The following EVC2 variants were observed in gnomAD, a reference collection of about 807,000 sequenced individuals.
The protein encoded by EVC2 is EvC ciliary complex subunit 2, also known as limbin.
In EVC2, 148 loss-of-function variants were observed where a neutral mutation model predicts 149.3. The observed-to-expected ratio is 0.99, with a 90% CI of 0.87 to 1.14. EVC2 has a LOEUF of 1.14. Ranked by LOEUF, EVC2 falls within the 50% of genes most tolerant of loss-of-function variation. The probability of loss-of-function intolerance (pLI) is 0.00; values close to 1 mark genes in which losing one functional copy is unlikely to be tolerated. For missense variants in EVC2, 1,854 were observed against 1,627.3 expected (o/e 1.14, Z -2.40); for synonymous variants, 776 against 649.9 (o/e 1.19, Z -2.95).
chr4:5,683,811 G>A (rs115892962), intron 6 of EVC2, among the ~76,000 whole-genome samples: 2 of 107,692 alleles, frequency 1.9e-5, no homozygotes, highest in African/African-American at 3.3e-5. Context: ...CACACAGCTG[G>A]CCAGGAACAC....
At chr4:5,582,082 C>CT (rs900160304) in intron 17 of EVC2, among the ~76,000 whole-genome samples, 1 of 152,228 alleles carries the variant, frequency 6.6e-6, no homozygotes, top group Non-Finnish European at 1.5e-5. Flanking sequence ...AGAACCTCTG[C>CT]TAGGGCAGTG....
intron 3 of EVC2, among the ~76,000 whole-genome samples, chr4:5,692,119 AGCT>A (rs1242054407): frequency 6.6e-6 from 1 of 152,196 alleles, no homozygotes; most frequent in Non-Finnish European, 1.5e-5. Context: ...CAGTGGAACA[AGCT>A]GTATTCTGAG....
the EVC2 span, among the ~76,000 whole-genome samples, chr4:5,533,809 T>C: frequency 1.3e-5 from 2 of 152,128 alleles, no homozygotes; most frequent in Admixed American, 1.3e-4. Flanking sequence ...GAGGAGGTGA[T>C]ATCTGAGCTG....
rs1722332303 is a variant in EVC2 at position 5,567,074 on chromosome 4, G to T, written c.3557+1370C>A. Among the ~76,000 whole-genome samples the T allele has an allele frequency of 6.6e-6, 1 of 152,072 alleles. No individual in the cohort carries two copies. The highest frequency in any genetic ancestry group is 2.4e-5 in the African/African-American group (1 of 41,382). On this transcript the variant is annotated intron_variant, in intron 20 of 21. Transcript: ENST00000344408. The surrounding 1 kb of genome is among the most constrained non-coding windows in gnomAD (Gnocchi z 4.4). ...CTGGACATTCCGTTTGGCAGAGGTG[G>T]CCTCCTTCTGGCTCCCTCTTGTTCC...
intron 17 of EVC2, among the ~76,000 whole-genome samples, chr4:5,580,765 T>G (rs890494635): frequency 6.5e-4 from 19 of 29,346 alleles, no homozygotes; most frequent in African/African-American, 2.0e-3. Context: ...CGGAGTTTTA[T>G]CTTGAATGGG....
At chr4:5,571,663 A>G (rs1465959414) in intron 19 of EVC2, among the ~76,000 whole-genome samples, 2 of 152,138 alleles carry the variant, frequency 1.3e-5, no homozygotes, top group Admixed American at 1.3e-4. Flanking sequence ...TCTTTTCTCT[A>G]GTACAAAAAG....
At position 5,683,837 on chromosome 4, in the gene EVC2, A is replaced by AAC. The variant is rs762053482; in HGVS notation, c.816+1531_816+1532dup. 3.1e-4 allele frequency among the ~76,000 whole-genome samples: 40 copies of AAC among 129,290 alleles called. 1 individual carries two copies. Among genetic ancestry groups the AAC allele is most frequent in the African/African-American group, 1.0e-3 (38 of 38,072 alleles). The allele number at this position is 129,290 out of a possible 152,430, so 84.8% of individuals were successfully genotyped here. A position where few individuals can be genotyped will look rare whatever the true frequency, so the allele number is the denominator to read the frequency against. The stretch of plus-strand genomic sequence containing the variant: ...CCAGGAACACACACAGCTGCCCAGG[A>AAC]ACACACACACACAGCTGCCCAGGAA... On this transcript the variant is annotated intron_variant, in intron 6 of 21. Transcript: ENST00000344408.
At chr4:5,615,797 C>T (rs573553893) in intron 15 of EVC2, among the ~76,000 whole-genome samples, 64 of 152,316 alleles carry the variant, frequency 4.2e-4, no homozygotes, top group African/African-American at 1.5e-3. Context: ...GGCAGAACCT[C>T]AGCTCTGCAG....
At position 5,689,234 on chromosome 4, in the gene EVC2, G is replaced by A. The variant is rs1377494906; in HGVS notation, c.629C>T (p.Ala210Val). ...LSELLLLDSI[A>V]GLTIWDSVGN... Reference sequence around the variant, plus strand: ...CACAGAGTCCCAAATGGTGAGACCAGCAATGCTGTCCAGCAAGAGCAGCTC... The same window carrying A: ...CACAGAGTCCCAAATGGTGAGACCAACAATGCTGTCCAGCAAGAGCAGCTC... Residue 210 changes from alanine (A) to valine (V), a missense_variant, in exon 5 of 22, where the codon GCT (alanine) becomes GTT (valine). Coordinates refer to ENST00000344408, the MANE Select transcript of EVC2 (RefSeq NM_147127.5). The A allele has an allele frequency of 1.2e-6, 2 of 1,614,224 alleles. No homozygotes were observed. Among genetic ancestry groups the A allele is most frequent in the Non-Finnish European group, 1.7e-6 (2 of 1,180,038 alleles).
chr4:5,673,826 T>C (rs1002513715), intron 7 of EVC2, among the ~76,000 whole-genome samples: 2 of 152,350 alleles, frequency 1.3e-5, no homozygotes, highest in Middle Eastern at 3.4e-3. Context: ...CACAGTCTTG[T>C]GGATGGCGAG....
intron 12 of EVC2, among the ~76,000 whole-genome samples, chr4:5,627,356 G>A (rs1447150469): frequency 6.6e-6 from 1 of 152,212 alleles, no homozygotes; most frequent in African/African-American, 2.4e-5. Flanking sequence ...TTCAATTCAA[G>A]GCAAAGAACT....
rs1201174631 is a variant in EVC2 at position 5,569,832 on chromosome 4, T to A, written c.3361-1192A>T. Among the ~76,000 whole-genome samples the A allele has an allele frequency of 6.6e-6, 1 of 151,890 alleles. No homozygotes were observed. Among genetic ancestry groups the A allele is most frequent in the African/African-American group, 2.4e-5 (1 of 41,348 alleles). On this transcript the variant is annotated intron_variant, in intron 19 of 21. Transcript: ENST00000344408. This position sits in a 1 kb window ranked among gnomAD's most constrained non-coding sequence, Gnocchi z 4.8. Reference sequence around the variant, plus strand: ...CTTTCAGTGAAGGCACGAGGAAAGGTGCTGTTCCAAATACCAAAGCTCCTT... The same window carrying A: ...CTTTCAGTGAAGGCACGAGGAAAGGAGCTGTTCCAAATACCAAAGCTCCTT...
chr4:5,676,163 A>T (rs1719978133), intron 7 of EVC2, among the ~76,000 whole-genome samples: 1 of 152,184 alleles, frequency 6.6e-6, no homozygotes, highest in Non-Finnish European at 1.5e-5. Context: ...ACCTGCACTC[A>T]ATGTGTGATT....
At chr4:5,626,789 G>T (rs1227972670) in intron 12 of EVC2, among the ~76,000 whole-genome samples, 1 of 152,098 alleles carries the variant, frequency 6.6e-6, no homozygotes. Context: ...GAGGAAAGAG[G>T]AATTTGTCCC....
intron 1 of EVC2, among the ~76,000 whole-genome samples, chr4:5,706,399 T>TAC (rs1722175770): frequency 9.1e-6 from 1 of 109,674 alleles, no homozygotes; most frequent in Non-Finnish European, 1.9e-5. Context: ...GATACATAGA[T>TAC]AGATAGATAG....
rs1223039712 is a variant in EVC2, at chr4:5,696,565, C to A, written c.283+1028G>T. 6.6e-6 allele frequency among the ~76,000 whole-genome samples: 1 copy of A among 152,230 alleles called. No homozygotes were observed. Among genetic ancestry groups the A allele is most frequent in the Non-Finnish European group, 1.5e-5 (1 of 68,052 alleles). ...TGCGCTGCAGGTGCCAGCCATGAGG[C>A]TCAGGAGCCAGGGACTGCCCGCGGC... On this transcript the variant is annotated intron_variant, in intron 2 of 21. Coordinates refer to ENST00000344408, the MANE Select transcript of EVC2 (RefSeq NM_147127.5). The surrounding 1 kb of genome is among the most constrained non-coding windows in gnomAD (Gnocchi z 4.1).
At chr4:5,629,825 A>G (rs1716395838) in intron 11 of EVC2, among the ~76,000 whole-genome samples, 1 of 152,246 alleles carries the variant, frequency 6.6e-6, no homozygotes, top group Non-Finnish European at 1.5e-5. Context: ...GGATCCATGC[A>G]TGCTGATTGA....
chr4:5,650,604 C>CATATATATATAT (rs66673359), intron 9 of EVC2, among the ~76,000 whole-genome samples: 80 of 52,978 alleles, frequency 1.5e-3, no homozygotes, highest in Admixed American at 2.9e-3. Flanking sequence ...TTTTAATCGC[C>CATATATATATAT]ATATATATAT....
chr4:5,574,604 T>G, intron 19 of EVC2, 81 bp downstream of exon 19: 1 of 1,395,100 alleles, frequency 7.2e-7, no homozygotes. Context: ...ATCCTGGAGG[T>G]GAGGAAATGT....
Sources: allele counts gnomAD v4.1 joint callset (sites outside exome capture counted in the v4.1 genomes callset), GRCh38; gene constraint gnomAD v4.1.1; non-coding constraint Gnocchi (gnomAD v3.1); transcripts MANE v1.5; gene names NCBI Gene and HGNC (gene_info 2026-07-23, HGNC 2026-07-21).